The following CRYBB2 variants were observed in gnomAD, a reference collection of about 807,000 sequenced individuals.
The protein encoded by CRYBB2 is crystallin beta B2.
CRYBB2 carries 12 observed loss-of-function variants against 24.3 expected under a neutral mutation model. The ratio of observed to expected loss-of-function variants is 0.49; its 90% CI spans 0.32 to 0.80. The LOEUF is 0.80. CRYBB2 is among the 30% of genes least tolerant of loss of function. The pLI is 0.04. For missense variants in CRYBB2, 198 were observed against 268.5 expected (o/e 0.74, Z 1.83); for synonymous variants, 98 against 101.6 (o/e 0.96, Z 0.21).
intron 3 of CRYBB2, 114 bp downstream of exon 3, chr22:25,225,150 G>T: frequency 1.3e-6 from 1 of 769,882 alleles, no homozygotes; most frequent in Non-Finnish European, 2.4e-6. Context: ...AAGTTTTGGG[G>T]TCTGGCAGCC....
intron 2 of CRYBB2, 68 bp from the exon 3 acceptor site, chr22:25,224,850 C>G (rs1369091266): frequency 1.1e-6 from 1 of 878,552 alleles, no homozygotes; most frequent in African/African-American, 1.6e-5. Context: ...GCTCCCTCCC[C>G]ACGTCTACCA....
At chr22:25,217,588 A>G (rs1252634250), upstream of CRYBB2, among the ~76,000 whole-genome samples, 1 of 152,034 alleles carries the variant, frequency 6.6e-6, no homozygotes, top group Non-Finnish European at 1.5e-5. Context: ...AAGTGCTGGG[A>G]TTACAGGCGT....
In CRYBB2 at chr22:25,230,185, C is replaced by T. The variant is rs1321536024; in HGVS notation, c.449+607C>T. On this transcript the variant is annotated intron_variant, in intron 5 of 5. Transcript: ENST00000398215. ...TTTTTTTTTTTAATTGAGACGGAGGCGCGCACTTTCGCCCTGGCTGGAGTG... is the reference window on the plus strand; with the variant it reads ...TTTTTTTTTTTAATTGAGACGGAGGTGCGCACTTTCGCCCTGGCTGGAGTG... Among the ~76,000 whole-genome samples, 4 of 149,108 alleles carry T rather than the reference C, an allele frequency of 2.7e-5. 1 individual carries two copies. Among genetic ancestry groups the T allele is most frequent in the South Asian group, 4.3e-4 (2 of 4,634 alleles).
intron 3 of CRYBB2, among the ~76,000 whole-genome samples, chr22:25,227,273 T>A (rs1338132635): frequency 6.6e-6 from 1 of 152,060 alleles, no homozygotes. Flanking sequence ...CTAATGTGGA[T>A]CTACAAAAAC....
intron 1 of CRYBB2, among the ~76,000 whole-genome samples, chr22:25,214,168 AT>A (rs1233462384): frequency 2.0e-5 from 3 of 152,132 alleles, no homozygotes; most frequent in African/African-American, 7.2e-5. Context: ...GTAAGACCCT[AT>A]CCCTAAAAAA....
rs1195858961 is a variant in CRYBB2, at chr22:25,227,892, G to A, written c.213G>A (p.Gln71=). The A allele has an allele frequency of 1.2e-6, 2 of 1,614,188 alleles. No homozygotes were observed. The highest frequency in any genetic ancestry group is 2.2e-5 in the East Asian group (1 of 44,872). The change falls in exon 4 of 6, where the codon CAG becomes CAA. Residue 71 remains glutamine, a synonymous_variant. Transcript: ENST00000398215. ...AACAGGCCAACTGCAAGGGCGAGCA[G>A]TTTGTGTTTGAGAAGGGTGAGTACC... ...GYEQANCKGE[Q]FVFEKGEYPR... is the part of the protein sequence containing the mutation.
upstream of CRYBB2, among the ~76,000 whole-genome samples, chr22:25,218,814 G>GAA (rs1196197389): frequency 4.0e-5 from 5 of 126,436 alleles, no homozygotes; most frequent in South Asian, 3.1e-4. Flanking sequence ...AAGAAAGAAA[G>GAA]AAAGAAAGAA....
upstream of CRYBB2, among the ~76,000 whole-genome samples, chr22:25,219,119 G>A (rs1935277736): frequency 6.6e-6 from 1 of 152,164 alleles, no homozygotes; most frequent in African/African-American, 2.4e-5. Context: ...CCTGAGGGAT[G>A]CGCTACCTCC....
upstream of CRYBB2, among the ~76,000 whole-genome samples, chr22:25,215,621 T>G (rs2227247): frequency 0.6 from 90,979 of 151,856 alleles, 27,921 homozygotes; most frequent in East Asian, 0.92. Context: ...CCTCATTTCT[T>G]ATGGGGAAAT....
At chr22:25,214,614 C>T (rs972872845) in intron 1 of CRYBB2, among the ~76,000 whole-genome samples, 9 of 152,168 alleles carry the variant, frequency 5.9e-5, no homozygotes, top group Admixed American at 5.9e-4. Flanking sequence ...AGCATAAAAG[C>T]TATAGTTACT....
chr22:25,231,330 TACA>T (rs1935527752), intron 5 of CRYBB2, among the ~76,000 whole-genome samples: 1 of 35,858 alleles, frequency 2.8e-5, no homozygotes, highest in Non-Finnish European at 4.9e-5. Context: ...CCCAGTACAG[TACA>T]GTACAGTACA....
chr22:25,231,463 C>G (rs1473092053), intron 5 of CRYBB2, 141 bp from the exon 6 acceptor site: 8 of 815,162 alleles, frequency 9.8e-6, no homozygotes, highest in African/African-American at 1.7e-5. Flanking sequence ...TCCTGCTTAC[C>G]CTTGGGAAGT....
intron 5 of CRYBB2, 34 bp downstream of exon 5, chr22:25,229,612 C>G: frequency 6.2e-7 from 1 of 1,612,638 alleles, no homozygotes; most frequent in Non-Finnish European, 8.5e-7. Context: ...TCACCCTGCC[C>G]CAGGAACTGA....
chr22:25,217,988 G>A (rs529022085), upstream of CRYBB2, among the ~76,000 whole-genome samples: 12 of 152,066 alleles, frequency 7.9e-5, no homozygotes, highest in Admixed American at 3.9e-4. Context: ...GGCCGGGCGC[G>A]GTGGCTCACG....
intron 3 of CRYBB2, among the ~76,000 whole-genome samples, chr22:25,227,359 G>A (rs1935437999): frequency 6.6e-6 from 1 of 151,978 alleles, no homozygotes; most frequent in Non-Finnish European, 1.5e-5. Context: ...GCACAGCGAT[G>A]TTCTGGAGTC....
intron 4 of CRYBB2, among the ~76,000 whole-genome samples, chr22:25,228,892 G>A (rs116505026): frequency 0.016 from 2,448 of 152,348 alleles, 23 homozygotes; most frequent in South Asian, 0.044. Context: ...GCCTATTAGA[G>A]GCACAGTTAG....
chr22:25,229,097 ATG>A (rs112950752), intron 4 of CRYBB2, among the ~76,000 whole-genome samples: 26,213 of 146,626 alleles, frequency 0.18, 2,357 homozygotes, highest in African/African-American at 0.23. Context: ...GTGGGTGTGC[ATG>A]TGTGTGTGTG....
At chr22:25,220,642 G>T (rs1009843415) in intron 1 of CRYBB2, among the ~76,000 whole-genome samples, 5 of 152,180 alleles carry the variant, frequency 3.3e-5, no homozygotes, top group African/African-American at 1.2e-4. Flanking sequence ...GGGAGGCCAG[G>T]CTTCCTCTCT....
chr22:25,220,239 G>C (rs753320089), intron 1 of CRYBB2, among the ~76,000 whole-genome samples: 4 of 152,180 alleles, frequency 2.6e-5, no homozygotes, highest in African/African-American at 9.7e-5. Flanking sequence ...CTGGGACCAC[G>C]GCCAAGTGCT....
Sources: gnomAD v4.1 joint callset for allele counts (sites outside exome capture counted in the v4.1 genomes callset) on GRCh38, gnomAD v4.1.1 for gene constraint, MANE v1.5 for transcripts, NCBI Gene and HGNC (gene_info 2026-07-23, HGNC 2026-07-21) for gene names.